Variants in PPP1R36 observed in about 807,000 individuals in gnomAD.
PPP1R36 encodes chromosome 14 open reading frame 50.
In PPP1R36, 47 loss-of-function variants were observed where a neutral mutation model predicts 53.4. The ratio of observed to expected loss-of-function variants is 0.88; its 90% CI spans 0.70 to 1.12. The LOEUF (loss-of-function observed/expected upper bound fraction) is 1.12. Among genes scored for constraint, PPP1R36 ranks in the 50% most tolerant of loss-of-function variants. PPP1R36 has a pLI of 0.00. For missense variants in PPP1R36, 456 were observed against 513.9 expected, an observed-to-expected ratio of 0.89 and a Z score of 1.09; for synonymous variants, 153 against 170.5, an observed-to-expected ratio of 0.90 and a Z score of 0.80.
rs10667127 is a variant in PPP1R36, at chr14:64,577,718, C to CT, written c.668+3154dup. On this transcript the variant is annotated intron_variant, in intron 8 of 11. Coordinates refer to ENST00000298705, the MANE Select transcript of PPP1R36 (RefSeq NM_172365.3). The stretch of plus-strand genomic sequence containing the variant: ...TTTTTAAGCTTTGCTGCCATGATTA[C>CT]TTTTTTTTTTTTTTTTTTTTTTTTT... Among the ~76,000 whole-genome samples, 902 of 94,296 alleles carry CT rather than the reference C, an allele frequency of 9.6e-3. 53 individuals are homozygous for CT. Among genetic ancestry groups the CT allele is most frequent in the African/African-American group, 0.02 (455 of 22,244 alleles). The allele number at this position is 94,296 out of a possible 152,430, so 61.9% of individuals were successfully genotyped here.
At chr14:64,561,608 AAATAAT>A (rs1369992332) in intron 3 of PPP1R36, among the ~76,000 whole-genome samples, 6 of 152,210 alleles carry the variant, frequency 3.9e-5, no homozygotes, top group East Asian at 3.8e-4. Flanking sequence ...CTATAAAATG[AAATAAT>A]AATGCCTCGT....
chr14:64,568,343 C>G lies in PPP1R36; in HGVS notation c.435-6C>G. On this transcript the variant is annotated splice_region_variant and splice_polypyrimidine_tract_variant and intron_variant, in intron 6 of 11. Transcript: ENST00000298705. ...TCTTTTTTTGTTGTTTCAAATCTCC[C>G]CATAGGAATAAGAATCTTGATAATT... The G allele has an allele frequency of 7.6e-7, 1 of 1,308,966 alleles. No individual in the cohort carries two copies. The highest frequency in any genetic ancestry group is 1.1e-6 in the Non-Finnish European group (1 of 936,176). The allele number at this position is 1,308,966 out of a possible 1,614,324, so 81.1% of individuals were successfully genotyped here. A position where few individuals can be genotyped will look rare whatever the true frequency, so the allele number is the denominator to read the frequency against.
intron 1 of PPP1R36, 146 bp downstream of exon 1, chr14:64,550,212 A>G (rs2080083400): frequency 1.1e-5 from 16 of 1,396,512 alleles, no homozygotes; most frequent in Non-Finnish European, 1.4e-5. Flanking sequence ...ACACCTGGCC[A>G]TATTTGCCTA....
intron 6 of PPP1R36, among the ~76,000 whole-genome samples, chr14:64,567,231 A>G (rs941754543): frequency 4.6e-5 from 7 of 152,274 alleles, no homozygotes; most frequent in African/African-American, 1.4e-4. Flanking sequence ...AAAAGTCTTG[A>G]AAAATATTTA....
At chr14:64,553,595 A>G (rs1474868331) in intron 3 of PPP1R36, among the ~76,000 whole-genome samples, 1 of 152,214 alleles carries the variant, frequency 6.6e-6, no homozygotes, top group Non-Finnish European at 1.5e-5. Flanking sequence ...AGTTTTGACA[A>G]ATAGGCAAAA....
At position 64,550,035 on chromosome 14, in the gene PPP1R36, G is replaced by T. The variant is rs1362297481; in HGVS notation, c.38G>T (p.Arg13Leu). 1 of 1,573,676 alleles carries T rather than the reference G, an allele frequency of 6.4e-7. No homozygotes were observed. The highest frequency in any genetic ancestry group is 1.2e-5 in the South Asian group (1 of 85,602). Residue 13 changes from arginine to leucine, a missense_variant, in exon 1 of 12, where the codon CGG becomes CTG. Arg to Leu is a moderately radical substitution (Grantham distance 102, BLOSUM62 -2). Coordinates refer to ENST00000298705, the MANE Select transcript of PPP1R36 (RefSeq NM_172365.3). ...RVPEFYARRKRLGGQTPYLMD... is the reference protein window; with the variant it reads ...RVPEFYARRKLLGGQTPYLMD... ...CCCGAGTTTTATGCGAGGAGGAAGC[G>T]GTTAGGTGGGCAGACCCCTTACTTG...
chr14:64,562,355 G>A (rs2080212085), intron 3 of PPP1R36, among the ~76,000 whole-genome samples: 1 of 152,078 alleles, frequency 6.6e-6, no homozygotes, highest in Admixed American at 6.6e-5. Context: ...CAGCTACTTT[G>A]GAGGCTGAGG....
chr14:64,568,288 A>G (rs1351395627), intron 6 of PPP1R36, 61 bp from the exon 7 acceptor site: 2 of 639,074 alleles, frequency 3.1e-6, no homozygotes, highest in Non-Finnish European at 5.2e-6. Flanking sequence ...TTTATGAGAA[A>G]TCTTACATTT....
At chr14:64,556,762 A>ATGTGTGTGTGTGTGTGTGTGTGTG (rs369620598) in intron 3 of PPP1R36, among the ~76,000 whole-genome samples, 10 of 133,970 alleles carry the variant, frequency 7.5e-5, no homozygotes, top group Non-Finnish European at 1.6e-4. Flanking sequence ...TCTCCAAAAA[A>ATGTGTGTGTGTGTGTGTGTGTGTG]TGTGTGTGTG....
At chr14:64,583,979 C>T (rs1240668300) in intron 8 of PPP1R36, among the ~76,000 whole-genome samples, 4 of 147,134 alleles carry the variant, frequency 2.7e-5, no homozygotes, top group Non-Finnish European at 5.9e-5. Flanking sequence ...TGGCTCACTG[C>T]AACCTCCGCC....
chr14:64,578,121 A>AC (rs1006635874), intron 8 of PPP1R36, among the ~76,000 whole-genome samples: 6 of 151,390 alleles, frequency 4.0e-5, no homozygotes, highest in Non-Finnish European at 8.8e-5. Flanking sequence ...CGCCTGGCTA[A>AC]TTTTTTGTAT....
rs948399067 is a variant in PPP1R36, at chr14:64,550,959, T to C, written c.108T>C (p.Asp36=). The change falls in exon 2 of 12, where the codon GAT becomes GAC. Residue 36 remains aspartate, a synonymous_variant. Coordinates refer to ENST00000298705, the MANE Select transcript of PPP1R36 (RefSeq NM_172365.3). The stretch of plus-strand genomic sequence containing the variant: ...GATTAGGGATGTGGTACTGGAAAGA[T>C]GAAACCAGAACTCTTGAATTCAGAA... The part of the protein sequence containing the change: ...GLRLGMWYWK[D]ETRTLEFRRF... 2 of 1,609,316 alleles carry C rather than the reference T, an allele frequency of 1.2e-6. No homozygotes were observed. Among genetic ancestry groups the C allele is most frequent in the Non-Finnish European group, 1.7e-6 (2 of 1,177,720 alleles).
chr14:64,553,477 T>A (rs1172247005), intron 3 of PPP1R36, among the ~76,000 whole-genome samples: 3 of 152,234 alleles, frequency 2.0e-5, no homozygotes, highest in Admixed American at 6.5e-5. Flanking sequence ...GGAGAATAGC[T>A]ACGTGATGGT....
At chr14:64,567,798 A>G (rs1380855206) in intron 6 of PPP1R36, among the ~76,000 whole-genome samples, 2 of 152,062 alleles carry the variant, frequency 1.3e-5, no homozygotes, top group African/African-American at 4.8e-5. Context: ...ACTAGCTGGG[A>G]TTACAGGGAT....
At chr14:64,587,446 TCC>T (rs372547911) in intron 10 of PPP1R36, 74 bp downstream of exon 10, 3 of 331,358 alleles carry the variant, frequency 9.1e-6, no homozygotes, top group Non-Finnish European at 9.5e-6. Flanking sequence ...TTCTTTTTTC[TCC>T]TTTTTTTTTT....
chr14:64,587,204 C>T lies in PPP1R36; in HGVS notation c.722C>T (p.Thr241Ile), dbSNP rs1175927870. The T allele has an allele frequency of 6.2e-7, 1 of 1,605,216 alleles. No individual in the cohort carries two copies. Among genetic ancestry groups the T allele is most frequent in the African/African-American group, 1.3e-5 (1 of 74,444 alleles). ...TATTTTTTGTTGTAGTCCTTTTATA[C>T]TTTCTGTACATATGTGGCTTGGATT... is the stretch of plus-strand genomic sequence containing the variant. Reference protein sequence around the residue: ...KDWKFFESFYTFCTYVAWIVF... With the variant: ...KDWKFFESFYIFCTYVAWIVF... The change falls in exon 10 of 12, where the codon ACT becomes ATT. Residue 241 changes from threonine (T) to isoleucine (I), a missense_variant. Thr to Ile is a moderately conservative substitution (Grantham distance 89, BLOSUM62 -1). Transcript: ENST00000298705.
intron 11 of PPP1R36, chr14:64,588,593 T>C (rs1257664493): frequency 1.2e-5 from 3 of 256,626 alleles, no homozygotes; most frequent in African/African-American, 7.3e-5. Context: ...GGAGTCCCTC[T>C]CTTGTTGCCC....
chr14:64,570,709 C>T (rs895022710), intron 7 of PPP1R36, among the ~76,000 whole-genome samples: 1 of 152,156 alleles, frequency 6.6e-6, no homozygotes, highest in Non-Finnish European at 1.5e-5. Context: ...GTAGATGAGA[C>T]AGTGTATCTT....
At chr14:64,550,272 T>C in intron 1 of PPP1R36, 2 of 1,374,104 alleles carry the variant, frequency 1.5e-6, no homozygotes. Context: ...AATTGAATTC[T>C]GGCTCCCTGC....
Sources: allele counts gnomAD v4.1 joint callset (sites outside exome capture counted in the v4.1 genomes callset), GRCh38; gene constraint gnomAD v4.1.1; transcripts MANE v1.5; gene names NCBI Gene and HGNC (gene_info 2026-07-23, HGNC 2026-07-21).